Variants in WDR62 observed in about 807,000 individuals in gnomAD.
WDR62 encodes WD repeat domain 62, also known as WD repeat-containing protein 62.
WDR62 carries 112 observed loss-of-function variants against 160.6 expected under a neutral mutation model. That is an observed-to-expected ratio of 0.70 (90% CI 0.60 to 0.82). WDR62 has a LOEUF of 0.82. Among genes scored for constraint, WDR62 ranks in the 40% least tolerant of loss-of-function variants. WDR62 has a pLI of 0.00. For missense variants in WDR62, 1,819 were observed against 1,983.8 expected, an observed-to-expected ratio of 0.92 and a Z score of 1.58; for synonymous variants, 792 against 815.1, an observed-to-expected ratio of 0.97 and a Z score of 0.48.
chr19:36,064,197 C>T (rs1022302378), intron 3 of WDR62, among the ~76,000 whole-genome samples: 23 of 152,196 alleles, frequency 1.5e-4, no homozygotes, highest in Non-Finnish European at 2.8e-4. Context: ...GCTTAAAACC[C>T]AAGAGCATGC....
At chr19:36,101,908 G>A (rs1298282871) in intron 25 of WDR62, 106 bp from the exon 26 acceptor site, 81 of 1,571,484 alleles carry the variant, frequency 5.2e-5, no homozygotes, top group Middle Eastern at 5.0e-4. Flanking sequence ...CTCAGCCTGC[G>A]GGCAACAGGG....
chr19:36,103,904 A>T lies in WDR62; in HGVS notation c.4076A>T (p.His1359Leu). The change falls in exon 30 of 32, where the codon CAC (histidine) becomes CTC (leucine). Residue 1359 changes from histidine (H) to leucine (L), a missense_variant. His to Leu is a moderately conservative substitution (Grantham distance 99). Transcript: ENST00000401500. ...CCTGAGTCCCCTGGCCTTCCTGCCCACCCCAGTAACCCCCAGCTTCCAGAG... is the reference window on the plus strand; with the variant it reads ...CCTGAGTCCCCTGGCCTTCCTGCCCTCCCCAGTAACCCCCAGCTTCCAGAG... Reference protein sequence around the residue: ...PAPESPGLPAHPSNPQLPEAR... With the variant: ...PAPESPGLPALPSNPQLPEAR... 1 of 1,599,174 alleles carries T rather than the reference A, an allele frequency of 6.3e-7. No homozygotes were observed. The highest frequency in any genetic ancestry group is 8.5e-7 in the Non-Finnish European group (1 of 1,179,868).
intron 3 of WDR62, chr19:36,061,854 T>G (rs1169188495): frequency 6.6e-6 from 1 of 152,244 alleles, no homozygotes; most frequent in East Asian, 1.9e-4. Flanking sequence ...TTTGAGACTT[T>G]TTATATTGAA....
Position 36,090,520 on chromosome 19 carries a change from G to A in WDR62, c.2034G>A (p.Lys678=). 6.2e-7 allele frequency: 1 copy of A among 1,614,066 alleles called. No individual in the cohort carries two copies. The change falls in exon 16 of 32, where the codon AAG becomes AAA. Residue 678 remains lysine (K), a splice_region_variant and synonymous_variant. Transcript: ENST00000401500. ...GSQGDEGSLL[K]VHVDPSGTFL... is the part of the protein sequence containing the mutation. The stretch of plus-strand genomic sequence containing the variant: ...AGGGTGACGAAGGGTCCTTGCTGAA[G>A]GTGAGGAGTTGGAGACCCCTGTCTG...
Position 36,081,637 on chromosome 19 carries a change from G to C in WDR62, c.1371+67G>C, listed in dbSNP as rs532594660. Reference sequence around the variant, plus strand: ...AGACCTACTGTAAGCTTGAATGCAGGGGCAGGAGAGAGTCTGATGGACCCT... The same window carrying C: ...AGACCTACTGTAAGCTTGAATGCAGCGGCAGGAGAGAGTCTGATGGACCCT... On this transcript the variant is annotated intron_variant, in intron 10 of 31. Transcript: ENST00000401500. The C allele has an allele frequency of 4.4e-6, 7 of 1,609,124 alleles. 1 individual carries two copies. In the South Asian group the frequency reaches 4.4e-5, roughly 10 times the overall value.
At chr19:36,098,285 G>A (rs1372133251) in intron 21 of WDR62, among the ~76,000 whole-genome samples, 2 of 151,578 alleles carry the variant, frequency 1.3e-5, no homozygotes, top group Non-Finnish European at 2.9e-5. Context: ...AAGAAAAAGA[G>A]ACCGGGTGCG....
rs765007618 is a variant in WDR62, at chr19:36,059,095, G to C, written c.269+224G>C. 8.5e-4 allele frequency: 580 copies of C among 682,648 alleles called. 5 individuals are homozygous for C. The highest frequency in any genetic ancestry group is 2.4e-4 in the Middle Eastern group (1 of 4,090). 42.3% of individuals were successfully genotyped at this position (682,648 alleles called of 1,614,324 possible). A position where few individuals can be genotyped will look rare whatever the true frequency, so the allele number is the denominator to read the frequency against. ...ATGAAAGCCTTTATTATGACTACAG[G>C]GGGGAGGTGACAGCGATTCTGGGAA... is the stretch of plus-strand genomic sequence containing the variant. On this transcript the variant is annotated intron_variant, in intron 2 of 31. Transcript: ENST00000401500.
At chr19:36,101,965 G>C (rs1973373748) in intron 25 of WDR62, 49 bp from the exon 26 acceptor site, 3 of 1,613,266 alleles carry the variant, frequency 1.9e-6, no homozygotes, top group Non-Finnish European at 2.5e-6. Flanking sequence ...GGCGTCTGCT[G>C]TGACTCATGG....
downstream of WDR62, among the ~76,000 whole-genome samples, chr19:36,108,233 T>C (rs58402834): frequency 0.014 from 2,176 of 152,102 alleles, 121 homozygotes; most frequent in South Asian, 0.13. Context: ...CCAGAGTGCA[T>C]AGAAGCCCAG....
intron 3 of WDR62, 161 bp downstream of exon 3, chr19:36,060,191 G>A (rs965939004): frequency 2.7e-6 from 2 of 745,602 alleles, no homozygotes; most frequent in Admixed American, 4.0e-5. Flanking sequence ...CCGTGTGCTG[G>A]GGACACAGCA....
At chr19:36,080,812 G>T (rs988978916) in intron 9 of WDR62, among the ~76,000 whole-genome samples, 2 of 152,172 alleles carry the variant, frequency 1.3e-5, no homozygotes, top group South Asian at 4.1e-4. Flanking sequence ...TTTCAGCCCT[G>T]CTTGGTTAAT....
intron 21 of WDR62, among the ~76,000 whole-genome samples, chr19:36,099,088 G>C (rs898769486): frequency 1.8e-4 from 28 of 152,194 alleles, no homozygotes; most frequent in Admixed American, 9.2e-4. Context: ...CAGGTGTGGT[G>C]GTGGGCACCT....
chr19:36,073,013 G>T (rs1971380502), intron 8 of WDR62, among the ~76,000 whole-genome samples: 1 of 152,136 alleles, frequency 6.6e-6, no homozygotes, highest in African/African-American at 2.4e-5. Flanking sequence ...AGAAGAGGTG[G>T]GACCTGAGAT....
the WDR62 span, among the ~76,000 whole-genome samples, chr19:36,110,544 GGC>G: frequency 3.0e-4 from 45 of 152,318 alleles, no homozygotes; most frequent in African/African-American, 1.1e-3. Context: ...TGTTGTCCCA[GGC>G]AGTAACTAGG....
At position 36,103,391 on chromosome 19, in the gene WDR62, T is replaced by C. The variant is rs962618947; in HGVS notation, c.3563T>C (p.Leu1188Pro). 2.5e-6 allele frequency: 4 copies of C among 1,613,986 alleles called. No individual in the cohort carries two copies. Among genetic ancestry groups the C allele is most frequent in the Non-Finnish European group, 3.4e-6 (4 of 1,179,984 alleles). ...TCCTGTGTCCCTGCTTCCTCCGTGCTGCCCACAGACAGGAATCTCCCAACG... is the reference window on the plus strand; with the variant it reads ...TCCTGTGTCCCTGCTTCCTCCGTGCCGCCCACAGACAGGAATCTCCCAACG... ...LASCVPASSV[L>P]PTDRNLPTPT... The change falls in exon 30 of 32, where the codon CTG (leucine) becomes CCG (proline). Residue 1188 changes from leucine (L) to proline (P), a missense_variant. Around this residue, in one of 3 missense-constraint regions of WDR62, gnomAD observed 770 missense variants for 734.2 expected, o/e 1.05. Transcript: ENST00000401500.
intron 9 of WDR62, among the ~76,000 whole-genome samples, chr19:36,078,027 A>T (rs1223961906): frequency 6.6e-6 from 1 of 152,196 alleles, no homozygotes; most frequent in Non-Finnish European, 1.5e-5. Flanking sequence ...TGGTGGAATA[A>T]TATTTCATTG....
chr19:36,098,855 G>C (rs545377202), intron 21 of WDR62, among the ~76,000 whole-genome samples: 1 of 152,178 alleles, frequency 6.6e-6, no homozygotes, highest in Non-Finnish European at 1.5e-5. Context: ...TTGGGAGGCC[G>C]AAACAGGATT....
chr19:36,067,701 G>A, intron 6 of WDR62, 127 bp from the exon 7 acceptor site: 2 of 1,170,466 alleles, frequency 1.7e-6, no homozygotes, highest in Non-Finnish European at 2.5e-6. Context: ...CAGGGTTCTA[G>A]TGTTTTCTTC....
At chr19:36,110,183 C>G in the WDR62 span, among the ~76,000 whole-genome samples, 2 of 150,424 alleles carry the variant, frequency 1.3e-5, no homozygotes, top group African/African-American at 2.4e-5. Context: ...CAAGAGACCC[C>G]CTTTGGGCCA....
Sources: allele counts gnomAD v4.1 joint callset (sites outside exome capture counted in the v4.1 genomes callset), GRCh38; gene constraint gnomAD v4.1.1; regional missense constraint gnomAD v4.1.1; transcripts MANE v1.5; gene names NCBI Gene and HGNC (gene_info 2026-07-23, HGNC 2026-07-21).